CDH4: variants seen among roughly 807,000 people sequenced by gnomAD.
CDH4 encodes cadherin 4.
In CDH4, 33 loss-of-function variants were observed where a neutral mutation model predicts 86.0. That is an observed-to-expected ratio of 0.38 (90% confidence interval 0.29 to 0.51). The LOEUF (loss-of-function observed/expected upper bound fraction) is 0.51, where lower values mean the gene tolerates loss of function less well. Ranked by LOEUF, CDH4 falls within the 20% of genes least tolerant of loss-of-function variation. CDH4 has a pLI of 0.86. For missense variants in CDH4, 1,114 were observed against 1,307.4 expected, an observed-to-expected ratio of 0.85 and a Z score of 2.28; for synonymous variants, 555 against 549.4, an observed-to-expected ratio of 1.01 and a Z score of -0.14.
At chr20:61,838,652 C>T (rs998834276) in intron 4 of CDH4, among the ~76,000 whole-genome samples, 1 of 151,768 alleles carries the variant, frequency 6.6e-6, no homozygotes, top group Non-Finnish European at 1.5e-5. Context: ...CCTAAAAGTA[C>T]AAAAATTAGC....
chr20:61,310,154 G>A (rs2084437620), intron 2 of CDH4, among the ~76,000 whole-genome samples: 1 of 152,174 alleles, frequency 6.6e-6, no homozygotes, highest in South Asian at 2.1e-4. Flanking sequence ...CCAGCCCAGA[G>A]CCAGCTGGGG....
At chr20:61,800,507 C>T (rs970571890) in intron 4 of CDH4, among the ~76,000 whole-genome samples, 12 of 152,252 alleles carry the variant, frequency 7.9e-5, no homozygotes, top group African/African-American at 2.2e-4. Flanking sequence ...ATCTCCTCAT[C>T]GCCCCCCACA....
intron 9 of CDH4, among the ~76,000 whole-genome samples, chr20:61,918,368 G>A (rs1442898065): frequency 2.0e-5 from 3 of 152,180 alleles, no homozygotes; most frequent in Non-Finnish European, 4.4e-5. Flanking sequence ...CCCCAAGATG[G>A]GCCTGGGCAG....
At chr20:61,898,750 A>G (rs1306611888) in intron 8 of CDH4, among the ~76,000 whole-genome samples, 3 of 152,226 alleles carry the variant, frequency 2.0e-5, no homozygotes, top group Non-Finnish European at 4.4e-5. Flanking sequence ...CCTAGAATTA[A>G]TCCCACCTCA....
intron 2 of CDH4, among the ~76,000 whole-genome samples, chr20:61,329,480 G>GC: frequency 7.1e-6 from 1 of 140,834 alleles, no homozygotes; most frequent in Admixed American, 7.5e-5. Context: ...GTGGCTGTGA[G>GC]TGGCTCTTCT....
chr20:61,894,994 A>G lies in CDH4; in HGVS notation c.1135A>G (p.Ile379Val), dbSNP rs773222468. The G allele has an allele frequency of 6.8e-6, 11 of 1,613,950 alleles. No homozygotes were observed. Among genetic ancestry groups the G allele is most frequent in the Non-Finnish European group, 7.6e-6 (9 of 1,180,006 alleles). The change falls in exon 8 of 16, where the codon ATC becomes GTC. Residue 379 changes from isoleucine (I) to valine (V), a missense_variant. Around this residue, in one of 3 missense-constraint regions of CDH4, gnomAD observed 705 missense variants for 914.1 expected, o/e 0.77. Transcript: ENST00000614565. ...TGGCCTCTCAAACACAGCCACAGCC[A>G]TCATCACGGTGACAGATGTGAATGA... ...NYGLSNTATA[I>V]ITVTDVNDNP...
chr20:61,918,973 C>T (rs1018467248), intron 9 of CDH4, among the ~76,000 whole-genome samples: 12 of 152,228 alleles, frequency 7.9e-5, no homozygotes, highest in Non-Finnish European at 2.9e-5. Flanking sequence ...CAGGCTCAAG[C>T]AGTCTTCCCA....
chr20:61,357,037 G>A (rs2084754129), intron 2 of CDH4, among the ~76,000 whole-genome samples: 1 of 152,154 alleles, frequency 6.6e-6, no homozygotes, highest in Non-Finnish European at 1.5e-5. Flanking sequence ...CAACCATGCT[G>A]GTGACCTTCT....
intron 2 of CDH4, among the ~76,000 whole-genome samples, chr20:61,415,615 G>A (rs1408776733): frequency 6.6e-6 from 1 of 152,090 alleles, no homozygotes; most frequent in Non-Finnish European, 1.5e-5. Context: ...CAAACAGGTA[G>A]AATCATACCG....
At chr20:61,735,610 C>T (rs942417238) in intron 2 of CDH4, among the ~76,000 whole-genome samples, 3 of 152,302 alleles carry the variant, frequency 2.0e-5, no homozygotes, top group South Asian at 2.1e-4. Flanking sequence ...GGGGCCACTG[C>T]GGGGACTGAG....
intron 9 of CDH4, among the ~76,000 whole-genome samples, chr20:61,919,798 T>A (rs2054946259): frequency 6.7e-6 from 1 of 150,338 alleles, no homozygotes; most frequent in East Asian, 2.0e-4. Flanking sequence ...TGGAAGCGTG[T>A]TGTGATTGTG....
intron 4 of CDH4, among the ~76,000 whole-genome samples, chr20:61,843,321 G>A (rs1302523737): frequency 1.2e-4 from 18 of 151,386 alleles, no homozygotes; most frequent in South Asian, 4.2e-4. Context: ...GCGGTGGCGG[G>A]CGCCTGTAGT....
chr20:61,258,640 A>C (rs952179652), intron 2 of CDH4, among the ~76,000 whole-genome samples: 6 of 152,234 alleles, frequency 3.9e-5, no homozygotes, highest in Non-Finnish European at 7.3e-5. Context: ...AATGGGAGTA[A>C]ATTTTTCTTA....
chr20:61,786,210 G>T (rs1891576), intron 4 of CDH4, among the ~76,000 whole-genome samples: 126,550 of 152,098 alleles, frequency 0.83, 53,041 homozygotes, highest in East Asian at 0.93. Flanking sequence ...CACTTCCATT[G>T]GCCCATCACC....
chr20:61,722,392 C>T (rs2088052507), intron 2 of CDH4, among the ~76,000 whole-genome samples: 1 of 152,168 alleles, frequency 6.6e-6, no homozygotes, highest in Admixed American at 6.5e-5. Flanking sequence ...GGCACAGAGC[C>T]CACTCATCCT....
At chr20:61,700,842 G>A (rs1182423811) in intron 2 of CDH4, among the ~76,000 whole-genome samples, 2 of 152,210 alleles carry the variant, frequency 1.3e-5, no homozygotes, top group Non-Finnish European at 2.9e-5. Context: ...CATGAGTCTT[G>A]CCTTCAAAGC....
chr20:61,902,578 G>A lies in CDH4; in HGVS notation c.1188+7531G>A, dbSNP rs560606132. ...AGTAAATGTTTGCGCTTTGGCTGCC[G>A]GAAGGTCTCCGTGGCAACTCCGAAA... On this transcript the variant is annotated intron_variant, in intron 8 of 15. Transcript: ENST00000614565. The surrounding 1 kb of genome is among the most constrained non-coding windows in gnomAD (Gnocchi z 4.6). Among the ~76,000 whole-genome samples, 68 of 152,320 alleles carry A rather than the reference G, an allele frequency of 4.5e-4. No individual in the cohort carries two copies. Among genetic ancestry groups the A allele is most frequent in the African/African-American group, 1.4e-3 (59 of 41,572 alleles).
chr20:61,822,730 T>G (rs1981112533), intron 4 of CDH4, among the ~76,000 whole-genome samples: 1 of 152,194 alleles, frequency 6.6e-6, no homozygotes, highest in South Asian at 2.1e-4. Flanking sequence ...TCAATTTTCA[T>G]CAGGTATGGC....
In CDH4 at chr20:61,377,362, C is replaced by T. The variant is rs1396668095; in HGVS notation, c.169+122425C>T. 9.2e-5 allele frequency among the ~76,000 whole-genome samples: 14 copies of T among 152,186 alleles called. No homozygotes were observed. In the South Asian group the frequency reaches 1.0e-3, roughly 11 times the overall value. ...CCCCATTCCATGTCTAAGTGCCCAT[C>T]GGACGGTTGAGTTGTGTGGTCCAGG... On this transcript the variant is annotated intron_variant, in intron 2 of 15. Transcript: ENST00000614565. The surrounding 1 kb of genome is among the most constrained non-coding windows in gnomAD (Gnocchi z 4.0).
Sources: gnomAD v4.1 joint callset for allele counts (sites outside exome capture counted in the v4.1 genomes callset) on GRCh38, gnomAD v4.1.1 for gene constraint, gnomAD v4.1.1 regional missense constraint, Gnocchi (gnomAD v3.1) non-coding constraint, MANE v1.5 for transcripts, NCBI Gene and HGNC (gene_info 2026-07-23, HGNC 2026-07-21) for gene names.